LRRC2: variants seen among roughly 807,000 people sequenced by gnomAD.
LRRC2 encodes leucine-rich repeat-containing protein 2.
A neutral mutation model predicts 40.2 loss-of-function variants in LRRC2; 27 were observed. The observed-to-expected ratio is 0.67, with a 90% CI of 0.49 to 0.93. The LOEUF (loss-of-function observed/expected upper bound fraction) is 0.93, where lower values mean the gene tolerates loss of function less well. Ranked by LOEUF, LRRC2 falls within the 40% of genes least tolerant of loss-of-function variation. LRRC2 has a pLI of 0.00. For synonymous variants in LRRC2, 147 were observed against 158.9 expected (o/e 0.92, Z 0.56); for missense variants, 402 against 439.6 (o/e 0.91, Z 0.76).
chr3:46,536,817 G>A (rs991342791), intron 4 of LRRC2, among the ~76,000 whole-genome samples: 1 of 152,184 alleles, frequency 6.6e-6, no homozygotes, highest in African/African-American at 2.4e-5. Context: ...AGTGTGGGAA[G>A]TTAAAAAAGA....
chr3:46,539,807 G>A (rs187504805), intron 3 of LRRC2, among the ~76,000 whole-genome samples: 196 of 152,314 alleles, frequency 1.3e-3, no homozygotes, highest in Non-Finnish European at 1.8e-3. Context: ...TAGCTCAAGT[G>A]TTCTGGGATA....
In LRRC2 at chr3:46,521,596, A is replaced by G. The variant is rs1401684008; in HGVS notation, c.992T>C (p.Met331Thr). Residue 331 changes from methionine (M) to threonine (T), a missense_variant, in exon 8 of 9, where the codon ATG becomes ACG. By Grantham distance (81) the Met-to-Thr change is moderately conservative (BLOSUM62 -1). Transcript: ENST00000395905. ...NAQCEDGNEIMESERDRQHFD... is the reference protein window; with the variant it reads ...NAQCEDGNEITESERDRQHFD... ...ATGTTGGCGATCCCGTTCACTTTCC[A>G]TTATTTCATTGCCATCTTCACATTG... 6.2e-7 allele frequency: 1 copy of G among 1,613,054 alleles called. No individual in the cohort carries two copies. Among genetic ancestry groups the G allele is most frequent in the East Asian group, 2.2e-5 (1 of 44,882 alleles).
At chr3:46,533,028 A>ATTT in intron 4 of LRRC2, 119 bp from the exon 5 acceptor site, 1 of 1,072,324 alleles carries the variant, frequency 9.3e-7, no homozygotes, top group Non-Finnish European at 1.3e-6. Flanking sequence ...ACTAAACATA[A>ATTT]TTTAGTATTT....
At chr3:46,543,925 C>G (rs766548232) in intron 3 of LRRC2, among the ~76,000 whole-genome samples, 8 of 135,212 alleles carry the variant, frequency 5.9e-5, no homozygotes, top group Non-Finnish European at 1.4e-4. Flanking sequence ...TTTTGGAGAA[C>G]TGTATACTTT....
chr3:46,531,177 G>A (rs1211140538), intron 5 of LRRC2, among the ~76,000 whole-genome samples: 6 of 144,770 alleles, frequency 4.1e-5, no homozygotes, highest in African/African-American at 1.0e-4. Flanking sequence ...TTGAGATGGC[G>A]TTTCACTCTG....
intron 3 of LRRC2, among the ~76,000 whole-genome samples, chr3:46,541,056 G>A (rs932299190): frequency 1.3e-5 from 2 of 152,186 alleles, no homozygotes; most frequent in Non-Finnish European, 2.9e-5. Flanking sequence ...AGGATAGGCC[G>A]GGCATGGTGG....
At chr3:46,536,800 T>C (rs938063453) in intron 4 of LRRC2, among the ~76,000 whole-genome samples, 2 of 152,094 alleles carry the variant, frequency 1.3e-5, no homozygotes, top group Admixed American at 1.3e-4. Context: ...GAATAGTACA[T>C]TGGTGTAGTG....
At chr3:46,533,012 G>A in intron 4 of LRRC2, 103 bp from the exon 5 acceptor site, 1 of 1,187,870 alleles carries the variant, frequency 8.4e-7, no homozygotes, top group South Asian at 1.5e-5. Context: ...TAATGATGGG[G>A]AAGGAACTAA....
rs545716687 is a variant in LRRC2, at chr3:46,534,405, C to T, written c.491-1496G>A. ...TTTTCTTTTTTGTTTTCTTTCTTTT[C>T]TTTTCTTTTCCTTCCTTCCTTTCTT... On this transcript the variant is annotated intron_variant, in intron 4 of 8. Coordinates refer to ENST00000395905, the MANE Select transcript of LRRC2 (RefSeq NM_024512.5). Among the ~76,000 whole-genome samples, 615 of 150,330 alleles carry T rather than the reference C, an allele frequency of 4.1e-3. 4 individuals carry two copies. Among genetic ancestry groups the T allele is most frequent in the African/African-American group, 0.015 (596 of 40,904 alleles).
chr3:46,546,686 C>T (rs1321292378), intron 2 of LRRC2, among the ~76,000 whole-genome samples: 1 of 151,172 alleles, frequency 6.6e-6, no homozygotes, highest in East Asian at 1.9e-4. Flanking sequence ...GGACAACCCT[C>T]TCCCACCCCC....
chr3:46,550,276 C>G (rs1396943479), intron 2 of LRRC2, among the ~76,000 whole-genome samples: 1 of 151,756 alleles, frequency 6.6e-6, no homozygotes, highest in Non-Finnish European at 1.5e-5. Context: ...AATACAGTAG[C>G]AGCTTAATTA....
At chr3:46,524,317 C>G (rs1031623221) in intron 7 of LRRC2, among the ~76,000 whole-genome samples, 2 of 152,204 alleles carry the variant, frequency 1.3e-5, no homozygotes, top group Non-Finnish European at 1.5e-5. Context: ...TTTCTCCAGG[C>G]TACCTTAGAG....
intron 5 of LRRC2, among the ~76,000 whole-genome samples, chr3:46,530,547 A>C (rs1412172746): frequency 6.6e-6 from 1 of 152,144 alleles, no homozygotes; most frequent in African/African-American, 2.4e-5. Context: ...GCCACTGCAC[A>C]CAAAAAAAAG....
In LRRC2 at chr3:46,517,084, T is replaced by TTGAAAGATTG. The variant is rs1293346811; in HGVS notation, c.*1929_*1930insCAATCTTTCA. ...TTGAATTGAAAGATGGGTTCTTCAATCACATCAGTCATTGTTCAAGTGCTC... is the reference window on the plus strand; with the variant it reads ...TTGAATTGAAAGATGGGTTCTTCAATTGAAAGATTGCACATCAGTCATTGTTCAAGTGCTC... On this transcript the variant is annotated 3_prime_UTR_variant, in exon 9 of 9. Coordinates refer to ENST00000395905, the MANE Select transcript of LRRC2 (RefSeq NM_024512.5). 1 of 152,170 alleles carries TTGAAAGATTG rather than the reference T, an allele frequency of 6.6e-6. No individual in the cohort carries two copies. Among genetic ancestry groups the TTGAAAGATTG allele is most frequent in the Non-Finnish European group, 1.5e-5 (1 of 68,034 alleles). The allele number at this position is 152,170 out of a possible 1,614,324, so 9.4% of individuals were successfully genotyped here. A position where few individuals can be genotyped will look rare whatever the true frequency, so the allele number is the denominator to read the frequency against.
At chr3:46,527,330 A>G (rs1401803956) in intron 7 of LRRC2, 96 bp downstream of exon 7, 1 of 1,304,654 alleles carries the variant, frequency 7.7e-7, no homozygotes. Flanking sequence ...TACGAGAGCC[A>G]TCTAATCCGG....
At chr3:46,562,797 C>T (rs1704973644) in intron 1 of LRRC2, among the ~76,000 whole-genome samples, 1 of 151,004 alleles carries the variant, frequency 6.6e-6, no homozygotes, top group Non-Finnish European at 1.5e-5. Flanking sequence ...GGCACAATCT[C>T]AGCTCACTGC....
At position 46,518,821 on chromosome 3, in the gene LRRC2, T is replaced by G; in HGVS notation, c.*193A>C. 2.0e-6 allele frequency: 1 copy of G among 508,276 alleles called. No homozygotes were observed. The highest frequency in any genetic ancestry group is 3.5e-6 in the Non-Finnish European group (1 of 287,358). 31.5% of individuals were successfully genotyped at this position (508,276 alleles called of 1,614,324 possible). On this transcript the variant is annotated 3_prime_UTR_variant, in exon 9 of 9. Coordinates refer to ENST00000395905, the MANE Select transcript of LRRC2 (RefSeq NM_024512.5). ...TGGAAATATCAATATACAAACCAAT[T>G]TTTCAATTCTCCAGTCCATGGAGGG...
rs1052901729 is a variant in LRRC2, at chr3:46,538,961, G to C, written c.490+84C>G. 2.7e-5 allele frequency: 39 copies of C among 1,419,434 alleles called. No homozygotes were observed. In the East Asian group the frequency reaches 8.7e-4, roughly 32 times the overall value. The allele number at this position is 1,419,434 out of a possible 1,614,324, so 87.9% of individuals were successfully genotyped here. On this transcript the variant is annotated intron_variant, in intron 4 of 8. Coordinates refer to ENST00000395905, the MANE Select transcript of LRRC2 (RefSeq NM_024512.5). ...CTGGGGAAGCTGGAGAGGAAACACG[G>C]TGTCTGCACAGTGTCTGTCACCTGC...
rs1193333250 is a variant in LRRC2, at chr3:46,518,249, T to C, written c.*765A>G. On this transcript the variant is annotated 3_prime_UTR_variant, in exon 9 of 9. Coordinates refer to ENST00000395905, the MANE Select transcript of LRRC2 (RefSeq NM_024512.5). The stretch of plus-strand genomic sequence containing the variant: ...AAACATATGGAAATAGCAGTTTATA[T>C]AAACTCAAGGAAGATTATTCTCAGT... 6.6e-6 allele frequency: 1 copy of C among 152,256 alleles called. No homozygotes were observed. The highest frequency in any genetic ancestry group is 1.5e-5 in the Non-Finnish European group (1 of 68,054). The allele number at this position is 152,256 out of a possible 1,614,324, so 9.4% of individuals were successfully genotyped here. A position where few individuals can be genotyped will look rare whatever the true frequency, so the allele number is the denominator to read the frequency against.
Sources: gnomAD v4.1 joint callset for allele counts (sites outside exome capture counted in the v4.1 genomes callset) on GRCh38, gnomAD v4.1.1 for gene constraint, MANE v1.5 for transcripts, NCBI Gene and HGNC (gene_info 2026-07-23, HGNC 2026-07-21) for gene names.